The following COL22A1 variants were observed in gnomAD, a reference collection of about 807,000 sequenced individuals.
COL22A1 encodes collagen type XXII alpha 1 chain.
COL22A1 carries 221 observed loss-of-function variants against 248.9 expected under a neutral mutation model. The observed-to-expected ratio is 0.89, with a 90% CI of 0.80 to 0.99. The LOEUF is 0.99. COL22A1 is among the 50% of genes least tolerant of loss of function. The pLI is 0.00. For missense variants in COL22A1, 2,240 were observed against 2,179.0 expected, an observed-to-expected ratio of 1.03 and a Z score of -0.56; for synonymous variants, 891 against 793.4, an observed-to-expected ratio of 1.12 and a Z score of -2.07.
intron 24 of COL22A1, among the ~76,000 whole-genome samples, 194 bp from the exon 25 acceptor site, chr8:138,724,862 G>A (rs530009973): frequency 4.7e-4 from 71 of 152,318 alleles, no homozygotes; most frequent in Admixed American, 1.4e-3. Flanking sequence ...TGGCTTGTGC[G>A]GCCTGCAGTC....
In COL22A1 at chr8:138,824,526, A is replaced by G. The variant is rs1337554880; in HGVS notation, c.969+2132T>C. 3.9e-5 allele frequency among the ~76,000 whole-genome samples: 6 copies of G among 152,166 alleles called. No homozygotes were observed. The East Asian group carries it at 1.2e-3, about 29-fold the overall frequency. ...ACTCCACAGAGTCTCTTCTCAAACA[A>G]AAAGTCCCTAGACTGGCCTACAAGA... On this transcript the variant is annotated intron_variant, in intron 6 of 64. Transcript: ENST00000303045.
intron 3 of COL22A1, among the ~76,000 whole-genome samples, 188 bp from the exon 4 acceptor site, chr8:138,844,346 A>G (rs887515594): frequency 6.6e-6 from 1 of 152,238 alleles, no homozygotes; most frequent in African/African-American, 2.4e-5. Flanking sequence ...GTATTTGTTA[A>G]GCATCAACTC....
chr8:138,629,369 G>T (rs191451782), intron 50 of COL22A1, among the ~76,000 whole-genome samples: 74 of 151,620 alleles, frequency 4.9e-4, no homozygotes, highest in African/African-American at 1.6e-3. Context: ...GCCTAGGCTG[G>T]TCTGAAACTC....
chr8:138,897,219 A>G (rs1825482469), intron 1 of COL22A1, among the ~76,000 whole-genome samples: 5 of 152,228 alleles, frequency 3.3e-5, no homozygotes, highest in South Asian at 4.1e-4. Context: ...TATTTACCTT[A>G]CTACCCTCCC....
At chr8:138,762,966 G>A (rs138696461) in intron 16 of COL22A1, among the ~76,000 whole-genome samples, 9 of 152,288 alleles carry the variant, frequency 5.9e-5, no homozygotes, top group South Asian at 2.1e-4. Context: ...ACATTCAGAC[G>A]GAGCTGACTG....
intron 47 of COL22A1, among the ~76,000 whole-genome samples, chr8:138,640,303 G>A (rs1048420055): frequency 1.3e-5 from 2 of 152,136 alleles, no homozygotes; most frequent in Non-Finnish European, 2.9e-5. Context: ...TTCATACCAG[G>A]AATTGCTCTA....
At chr8:138,876,215 G>A (rs1823706340) in intron 3 of COL22A1, among the ~76,000 whole-genome samples, 1 of 152,052 alleles carries the variant, frequency 6.6e-6, no homozygotes, top group Non-Finnish European at 1.5e-5. Flanking sequence ...CCATGTCATG[G>A]CATCCTTTAA....
At chr8:138,634,188 A>T (rs1290843922) in intron 49 of COL22A1, among the ~76,000 whole-genome samples, 1 of 152,212 alleles carries the variant, frequency 6.6e-6, no homozygotes, top group Admixed American at 6.5e-5. Context: ...AAGATGACAA[A>T]GCAAGCTTAA....
chr8:138,825,672 C>T (rs576055735), intron 6 of COL22A1: 1 of 152,226 alleles, frequency 6.6e-6, no homozygotes, highest in Non-Finnish European at 1.5e-5. Context: ...TTAAGAGTAT[C>T]TTGCCCTCTC....
chr8:138,604,081 G>T (rs1354472664), intron 59 of COL22A1, among the ~76,000 whole-genome samples: 1 of 152,198 alleles, frequency 6.6e-6, no homozygotes, highest in Non-Finnish European at 1.5e-5. Flanking sequence ...TATTTCAGCT[G>T]AGACCTCAGT....
intron 47 of COL22A1, among the ~76,000 whole-genome samples, chr8:138,644,250 T>C (rs1275671060): frequency 6.6e-6 from 1 of 152,210 alleles, no homozygotes; most frequent in Non-Finnish European, 1.5e-5. Flanking sequence ...TAAATTTTGA[T>C]ATTTTGTTCC....
At chr8:138,626,783 C>T (rs1042644651) in intron 50 of COL22A1, among the ~76,000 whole-genome samples, 2 of 152,160 alleles carry the variant, frequency 1.3e-5, no homozygotes, top group African/African-American at 2.4e-5. Context: ...TATCTCTTTC[C>T]TTGTATTTGA....
chr8:138,627,490 A>G (rs1820339100), intron 50 of COL22A1, among the ~76,000 whole-genome samples: 1 of 152,240 alleles, frequency 6.6e-6, no homozygotes, highest in African/African-American at 2.4e-5. Flanking sequence ...TGAGGAGAGC[A>G]TGGTCCCATA....
At chr8:138,675,888 T>A (rs1170690394) in intron 41 of COL22A1, among the ~76,000 whole-genome samples, 2 of 152,130 alleles carry the variant, frequency 1.3e-5, no homozygotes, top group East Asian at 3.9e-4. Flanking sequence ...GGAAATATAT[T>A]TTTAAACTGC....
At chr8:138,789,103 T>G (rs1324254757) in intron 12 of COL22A1, among the ~76,000 whole-genome samples, 2 of 152,210 alleles carry the variant, frequency 1.3e-5, no homozygotes, top group Non-Finnish European at 2.9e-5. Flanking sequence ...GACTGGTCCA[T>G]TAGACTTGGC....
rs2131605424 is a variant in COL22A1 at position 138,796,828 on chromosome 8, CT to C, written c.1586del (p.Lys529ArgfsTer21). 5.0e-6 allele frequency: 8 copies of C among 1,601,180 alleles called. No homozygotes were observed. The highest frequency in any genetic ancestry group is 1.3e-5 in the African/African-American group (1 of 74,766). On this transcript the variant is annotated frameshift_variant, in exon 12 of 65. Transcript: ENST00000303045. LOFTEE classifies it high-confidence loss of function. ...VGIGPFGQGE[K>X]GEKGSLGLPG... ...AAAGGAAGATGCTTACCTTTTCACC[CT>C]TTTCCCCTTGGCCAAAAGGTCCTAT... is the stretch of plus-strand genomic sequence containing the variant.
intron 41 of COL22A1, among the ~76,000 whole-genome samples, chr8:138,675,976 T>C (rs540050559): frequency 1.3e-5 from 2 of 152,320 alleles, no homozygotes; most frequent in Non-Finnish European, 2.9e-5. Flanking sequence ...AAGATATTGA[T>C]AGCAATCCTC....
intron 15 of COL22A1, among the ~76,000 whole-genome samples, chr8:138,777,519 G>T (rs767402954): frequency 4.6e-5 from 7 of 151,784 alleles, no homozygotes; most frequent in Non-Finnish European, 5.9e-5. Flanking sequence ...CCCTCCCCTT[G>T]CCCACCACCC....
intron 47 of COL22A1, 135 bp downstream of exon 47, chr8:138,646,494 T>G: frequency 1.7e-6 from 1 of 597,308 alleles, no homozygotes; most frequent in Non-Finnish European, 2.8e-6. Flanking sequence ...GTCAGTGCCA[T>G]GCTTAGACCC....
Sources: allele counts gnomAD v4.1 joint callset (sites outside exome capture counted in the v4.1 genomes callset), GRCh38; gene constraint gnomAD v4.1.1; transcripts MANE v1.5; gene names NCBI Gene and HGNC (gene_info 2026-07-23, HGNC 2026-07-21).